The following AUTS2 variants were observed in gnomAD, a reference collection of about 807,000 sequenced individuals.
AUTS2 encodes the protein autism susceptibility gene 2 protein.
In AUTS2, 17 loss-of-function variants were observed where a neutral mutation model predicts 112.4. The ratio of observed to expected loss-of-function variants is 0.15; its 90% CI spans 0.10 to 0.23. The LOEUF is 0.23. Among genes scored for constraint, AUTS2 ranks in the 10% least tolerant of loss-of-function variants. The probability of loss-of-function intolerance (pLI) is 1.00; values close to 1 mark genes in which losing one functional copy is unlikely to be tolerated. For synonymous variants in AUTS2, 751 were observed against 702.7 expected, an observed-to-expected ratio of 1.07 and a Z score of -1.09; for missense variants, 1,510 against 1,701.6, an observed-to-expected ratio of 0.89 and a Z score of 1.98.
At chr7:69,797,751 T>G (rs1789909612) in intron 1 of AUTS2, among the ~76,000 whole-genome samples, 1 of 150,062 alleles carries the variant, frequency 6.7e-6, no homozygotes, top group Admixed American at 6.7e-5. Flanking sequence ...TTTCTCAGAT[T>G]TTAAAAAAAG....
chr7:69,671,033 G>A (rs1159801803), intron 1 of AUTS2, among the ~76,000 whole-genome samples: 1 of 152,174 alleles, frequency 6.6e-6, no homozygotes, highest in Non-Finnish European at 1.5e-5. Flanking sequence ...GTAGAATGTT[G>A]GCACCTGGAA....
intron 5 of AUTS2, among the ~76,000 whole-genome samples, chr7:70,473,287 C>T (rs1231404357): frequency 1.3e-5 from 2 of 152,134 alleles, no homozygotes; most frequent in Admixed American, 6.5e-5. Context: ...CAGCATGTAA[C>T]CAGAGTAAAC....
At chr7:70,132,412 A>T (rs1487809041) in intron 3 of AUTS2, among the ~76,000 whole-genome samples, 1 of 152,190 alleles carries the variant, frequency 6.6e-6, no homozygotes, top group Non-Finnish European at 1.5e-5. Context: ...TCGGCAGTGC[A>T]ATCAAATTCA....
At chr7:69,651,063 A>G (rs1457689836) in intron 1 of AUTS2, among the ~76,000 whole-genome samples, 4 of 152,146 alleles carry the variant, frequency 2.6e-5, no homozygotes, top group Non-Finnish European at 5.9e-5. Flanking sequence ...TTAAAACCTA[A>G]TTAGGTTATA....
intron 1 of AUTS2, among the ~76,000 whole-genome samples, chr7:69,723,814 A>G (rs375058561): frequency 6.6e-6 from 1 of 152,332 alleles, no homozygotes; most frequent in East Asian, 1.9e-4. Context: ...GGCATCATGT[A>G]AGAAACAACT....
intron 2 of AUTS2, among the ~76,000 whole-genome samples, chr7:69,956,392 A>G (rs372743183): frequency 1.3e-5 from 2 of 152,168 alleles, no homozygotes; most frequent in East Asian, 3.9e-4. Context: ...GTAAACTCTA[A>G]TATTTCCTTT....
rs117242189 is a variant in AUTS2, at chr7:70,645,979, G to A, written c.691-52590G>A. ...TGGCCGTTAACAGAGGCATCCGTGC[G>A]TCTAACCCATTTCACACCACCGTCA... On this transcript the variant is annotated intron_variant, in intron 5 of 18. Transcript: ENST00000342771. Among the ~76,000 whole-genome samples the A allele has an allele frequency of 5.5e-4, 84 of 152,114 alleles. No homozygotes were observed. In the East Asian group the frequency reaches 0.01, roughly 18 times the overall value.
intron 1 of AUTS2, among the ~76,000 whole-genome samples, chr7:69,812,892 C>T (rs1409403085): frequency 6.6e-6 from 1 of 152,168 alleles, no homozygotes; most frequent in Non-Finnish European, 1.5e-5. Context: ...TAGCCTCCCA[C>T]CTGACCTCTT....
chr7:70,155,419 C>T (rs1451598111), intron 4 of AUTS2, among the ~76,000 whole-genome samples: 1 of 151,022 alleles, frequency 6.6e-6, no homozygotes, highest in African/African-American at 2.4e-5. Context: ...TTGATTGTGG[C>T]CTCAACATAC....
chr7:70,161,610 A>G (rs1383108461), intron 4 of AUTS2, among the ~76,000 whole-genome samples: 1 of 149,458 alleles, frequency 6.7e-6, no homozygotes, highest in Non-Finnish European at 1.5e-5. Flanking sequence ...TTTGTTCCCC[A>G]CCTTTTCTTC....
chr7:70,359,883 T>C (rs1468415819), intron 4 of AUTS2, among the ~76,000 whole-genome samples: 1 of 152,202 alleles, frequency 6.6e-6, no homozygotes, highest in Non-Finnish European at 1.5e-5. Flanking sequence ...ATTTTAACAA[T>C]GAGAATTCTG....
intron 10 of AUTS2, among the ~76,000 whole-genome samples, chr7:70,769,404 G>C (rs1437255182): frequency 1.3e-5 from 2 of 152,212 alleles, no homozygotes; most frequent in Admixed American, 6.5e-5. Flanking sequence ...AAATAATTCA[G>C]GCTGGGTGCA....
chr7:70,071,629 A>G lies in AUTS2; in HGVS notation c.523-46503A>G, dbSNP rs867101236. ...TATTGGCTTGTTGCTACAGGGTCTG[A>G]TGCTGGCAGATTACAACTTTGTAGC... is the stretch of plus-strand genomic sequence containing the variant. On this transcript the variant is annotated intron_variant, in intron 2 of 18. Transcript: ENST00000342771. 1.3e-5 allele frequency among the ~76,000 whole-genome samples: 2 copies of G among 152,264 alleles called. 1 individual carries two copies. The highest frequency in any genetic ancestry group is 6.8e-3 in the Middle Eastern group (2 of 294).
At chr7:70,021,286 C>A (rs1355828100) in intron 2 of AUTS2, among the ~76,000 whole-genome samples, 1 of 152,168 alleles carries the variant, frequency 6.6e-6, no homozygotes, top group Non-Finnish European at 1.5e-5. Context: ...CTGGTCAGAA[C>A]CTTTTCTTGA....
intron 1 of AUTS2, among the ~76,000 whole-genome samples, chr7:69,717,726 TTATTG>T (rs1199975651): frequency 6.6e-6 from 1 of 152,166 alleles, no homozygotes; most frequent in Non-Finnish European, 1.5e-5. Flanking sequence ...GAGTGTTTCC[TTATTG>T]AAGGGGGAAA....
chr7:70,068,776 G>A (rs911877108), intron 2 of AUTS2, among the ~76,000 whole-genome samples: 1 of 152,198 alleles, frequency 6.6e-6, no homozygotes, highest in East Asian at 1.9e-4. Context: ...TCCTAGCAAA[G>A]CAGAGGTACT....
intron 5 of AUTS2, among the ~76,000 whole-genome samples, chr7:70,610,688 A>C (rs1055819524): frequency 1.8e-4 from 27 of 152,132 alleles, no homozygotes; most frequent in Admixed American, 9.2e-4. Context: ...CGTCCTAACA[A>C]GTATGAGGTG....
chr7:69,897,317 T>A (rs1345781453), intron 1 of AUTS2, among the ~76,000 whole-genome samples: 2 of 152,056 alleles, frequency 1.3e-5, no homozygotes, highest in African/African-American at 4.8e-5. Flanking sequence ...ATAAACTGAG[T>A]AGCTTATAAA....
intron 6 of AUTS2, among the ~76,000 whole-genome samples, chr7:70,734,435 A>G (rs1035324892): frequency 1.4e-5 from 2 of 146,312 alleles, no homozygotes; most frequent in South Asian, 2.2e-4. Context: ...GTGAGAGTCT[A>G]TCTCAAAAAA....
Sources: allele counts gnomAD v4.1 joint callset (sites outside exome capture counted in the v4.1 genomes callset), GRCh38; gene constraint gnomAD v4.1.1; transcripts MANE v1.5; gene names NCBI Gene and HGNC (gene_info 2026-07-23, HGNC 2026-07-21).